Variants in RPAP2 observed in about 807,000 individuals in gnomAD.
The protein encoded by RPAP2 is putative RNA polymerase II subunit B1 CTD phosphatase RPAP2.
In RPAP2, 52 loss-of-function variants were observed where a neutral mutation model predicts 73.1. That is an observed-to-expected ratio of 0.71 (90% CI 0.57 to 0.90). The LOEUF (loss-of-function observed/expected upper bound fraction) is 0.90, where lower values mean the gene tolerates loss of function less well. RPAP2 is among the 40% of genes least tolerant of loss of function. The pLI is 0.00. For synonymous variants in RPAP2, 225 were observed against 242.1 expected (o/e 0.93, Z 0.65); for missense variants, 598 against 701.8 (o/e 0.85, Z 1.67).
At chr1:92,329,776 A>G (rs994680399) in intron 8 of RPAP2, among the ~76,000 whole-genome samples, 12 of 152,196 alleles carry the variant, frequency 7.9e-5, no homozygotes, top group African/African-American at 2.9e-4. Context: ...TTTTTATATA[A>G]TACTGGATTT....
At chr1:92,385,543 G>C (rs779030740) in intron 12 of RPAP2, among the ~76,000 whole-genome samples, 1 of 151,890 alleles carries the variant, frequency 6.6e-6, no homozygotes, top group Non-Finnish European at 1.5e-5. Flanking sequence ...AGGATAGAAG[G>C]TTTTTTTGTT....
chr1:92,338,729 C>T (rs1653424516), intron 10 of RPAP2, among the ~76,000 whole-genome samples: 1 of 150,648 alleles, frequency 6.6e-6, no homozygotes, highest in South Asian at 2.1e-4. Flanking sequence ...TGGCTCACTG[C>T]AGCCTTAACT....
chr1:92,373,581 G>C (rs970912520), intron 11 of RPAP2, among the ~76,000 whole-genome samples: 1 of 151,588 alleles, frequency 6.6e-6, no homozygotes, highest in Non-Finnish European at 1.5e-5. Flanking sequence ...TTACATTAAT[G>C]ACTGAGTTAT....
intron 6 of RPAP2, among the ~76,000 whole-genome samples, chr1:92,316,957 A>G (rs1651940002): frequency 6.6e-6 from 1 of 152,200 alleles, no homozygotes; most frequent in Admixed American, 6.5e-5. Context: ...AGATCTAGAA[A>G]CAATGTTGAG....
At position 92,392,393 on chromosome 1, in the gene RPAP2, AAG is replaced by A. The variant is rs1656077669; in HGVS notation, c.*5385_*5386del. 1 of 152,194 alleles carries A rather than the reference AAG, an allele frequency of 6.6e-6. No homozygotes were observed. The highest frequency in any genetic ancestry group is 2.4e-5 in the African/African-American group (1 of 41,446). 9.4% of individuals were successfully genotyped at this position (152,194 alleles called of 1,614,324 possible). On this transcript the variant is annotated 3_prime_UTR_variant, in exon 13 of 13. Transcript: ENST00000610020. ...TTGATGGAATGTATCTCAATATAAT[AAG>A]AGGTTATTTATGACAAACCCACAGC...
intron 11 of RPAP2, among the ~76,000 whole-genome samples, chr1:92,377,868 T>C (rs1027606222): frequency 1.3e-5 from 2 of 152,220 alleles, no homozygotes; most frequent in African/African-American, 2.4e-5. Flanking sequence ...ATTTTAGCCT[T>C]ACAAGTTTTC....
chr1:92,300,078 C>T (rs1650701988), intron 1 of RPAP2, 116 bp from the exon 2 acceptor site: 1 of 688,164 alleles, frequency 1.5e-6, no homozygotes. Flanking sequence ...TATATCTAAA[C>T]ATAGAAAAGG....
chr1:92,301,653 GA>G (rs2101097288), intron 3 of RPAP2, 63 bp downstream of exon 3: 1 of 629,730 alleles, frequency 1.6e-6, no homozygotes, highest in South Asian at 3.1e-5. Flanking sequence ...TGTGCAGCAT[GA>G]AACTTCTTTG....
intron 11 of RPAP2, among the ~76,000 whole-genome samples, chr1:92,357,578 C>T (rs1352030531): frequency 3.3e-5 from 5 of 152,212 alleles, no homozygotes; most frequent in East Asian, 3.8e-4. Flanking sequence ...GTTGCCCAGG[C>T]TTGAGTGCAG....
At position 92,400,895 on chromosome 1, in the gene RPAP2, T is replaced by C. The variant is rs1656300465; in HGVS notation, c.*13884T>C. 1 of 152,286 alleles carries C rather than the reference T, an allele frequency of 6.6e-6. No homozygotes were observed. Among genetic ancestry groups the C allele is most frequent in the African/African-American group, 2.4e-5 (1 of 41,444 alleles). 9.4% of individuals were successfully genotyped at this position (152,286 alleles called of 1,614,324 possible). A position where few individuals can be genotyped will look rare whatever the true frequency, so the allele number is the denominator to read the frequency against. On this transcript the variant is annotated 3_prime_UTR_variant, in exon 13 of 13. Coordinates refer to ENST00000610020, the MANE Select transcript of RPAP2 (RefSeq NM_024813.3). ...CTGGGTAATTTATAAAGGAAAGAGT[T>C]TTAATTGACTCACAGTTCCACATGG... is the stretch of plus-strand genomic sequence containing the variant.
At chr1:92,377,606 T>C (rs1330436942) in intron 11 of RPAP2, among the ~76,000 whole-genome samples, 4 of 150,892 alleles carry the variant, frequency 2.7e-5, no homozygotes, top group Non-Finnish European at 4.4e-5. Flanking sequence ...AGGTTTCATC[T>C]CAAGAGCCAG....
intron 6 of RPAP2, among the ~76,000 whole-genome samples, chr1:92,309,300 G>A (rs761851921): frequency 6.6e-6 from 1 of 151,942 alleles, no homozygotes; most frequent in African/African-American, 2.4e-5. Context: ...AAATTAGCTG[G>A]ACGTGGTGAC....
At chr1:92,329,549 C>CA (rs1396713789) in intron 8 of RPAP2, among the ~76,000 whole-genome samples, 36 of 152,226 alleles carry the variant, frequency 2.4e-4, no homozygotes, top group African/African-American at 8.2e-4. Flanking sequence ...CAAGCTGACT[C>CA]ACAGTTCCTT....
chr1:92,398,239 C>T lies in RPAP2; in HGVS notation c.*11228C>T, dbSNP rs1033479934. 2 of 152,154 alleles carry T rather than the reference C, an allele frequency of 1.3e-5. No individual in the cohort carries two copies. The highest frequency in any genetic ancestry group is 2.9e-5 in the Non-Finnish European group (2 of 68,030). The allele number at this position is 152,154 out of a possible 1,614,324, so 9.4% of individuals were successfully genotyped here. A position where few individuals can be genotyped will look rare whatever the true frequency, so the allele number is the denominator to read the frequency against. On this transcript the variant is annotated 3_prime_UTR_variant, in exon 13 of 13. Coordinates refer to ENST00000610020, the MANE Select transcript of RPAP2 (RefSeq NM_024813.3). ...TTAAGATGATGGAAACCCTATTTAT[C>T]CTGATGTGATTATTACACATTGCAT...
chr1:92,311,240 A>G (rs992876189), intron 6 of RPAP2, among the ~76,000 whole-genome samples: 3 of 152,190 alleles, frequency 2.0e-5, no homozygotes, highest in Non-Finnish European at 2.9e-5. Context: ...AAAAGGAAAA[A>G]GTTGCATTCA....
At chr1:92,310,240 T>C (rs1036517231) in intron 6 of RPAP2, among the ~76,000 whole-genome samples, 4 of 152,222 alleles carry the variant, frequency 2.6e-5, no homozygotes, top group African/African-American at 9.6e-5. Context: ...AATTTCCAAA[T>C]TCTTAGGGGC....
At chr1:92,377,433 G>A (rs771025396) in intron 11 of RPAP2, among the ~76,000 whole-genome samples, 11 of 148,688 alleles carry the variant, frequency 7.4e-5, no homozygotes, top group Admixed American at 6.9e-4. Flanking sequence ...CAGGATAATC[G>A]CTTGAACCTG....
intron 6 of RPAP2, among the ~76,000 whole-genome samples, chr1:92,319,463 C>A (rs2101158168): frequency 6.6e-6 from 1 of 152,178 alleles, no homozygotes; most frequent in Non-Finnish European, 1.5e-5. Context: ...ATGCATTTTT[C>A]TTCTACTAAA....
chr1:92,305,406 C>T lies in RPAP2; in HGVS notation c.399+1057C>T, dbSNP rs371291454. On this transcript the variant is annotated intron_variant, in intron 5 of 12. Coordinates refer to ENST00000610020, the MANE Select transcript of RPAP2 (RefSeq NM_024813.3). ...CGAGATCGCACCACTGCATTCCAGC[C>T]GGGGCAACAGAGTGAGGCTCCGTCT... Among the ~76,000 whole-genome samples the T allele has an allele frequency of 1.9e-4, 16 of 83,566 alleles. No homozygotes were observed. The Admixed American group carries it at 2.6e-3, about 13-fold the overall frequency. 54.8% of individuals were successfully genotyped at this position (83,566 alleles called of 152,430 possible).
Sources: allele counts gnomAD v4.1 joint callset (sites outside exome capture counted in the v4.1 genomes callset), GRCh38; gene constraint gnomAD v4.1.1; transcripts MANE v1.5; gene names NCBI Gene and HGNC (gene_info 2026-07-23, HGNC 2026-07-21).